RBMS1: variants seen among roughly 807,000 people sequenced by gnomAD.
RBMS1 encodes the protein RNA binding motif single stranded interacting protein 1.
In RBMS1, 17 loss-of-function variants were observed where a neutral mutation model predicts 62.3. The ratio of observed to expected loss-of-function variants is 0.27; its 90% CI spans 0.19 to 0.41. The LOEUF (loss-of-function observed/expected upper bound fraction) is 0.41. RBMS1 is among the 10% of genes least tolerant of loss of function. RBMS1 has a pLI of 1.00. For synonymous variants in RBMS1, 172 were observed against 170.0 expected, an observed-to-expected ratio of 1.01 and a Z score of -0.09; for missense variants, 334 against 504.5, an observed-to-expected ratio of 0.66 and a Z score of 3.24.
At chr2:160,435,842 A>C (rs901833447) in intron 1 of RBMS1, among the ~76,000 whole-genome samples, 1 of 152,244 alleles carries the variant, frequency 6.6e-6, no homozygotes, top group Non-Finnish European at 1.5e-5. Flanking sequence ...TAGTATCCTA[A>C]TGACTTAGAG....
At chr2:160,426,298 G>GA (rs1559537529) in intron 1 of RBMS1, among the ~76,000 whole-genome samples, 465 of 22,184 alleles carry the variant, frequency 0.021, no homozygotes, top group East Asian at 0.043. Context: ...AGAAAAGAAA[G>GA]AAGGAAGGAA....
chr2:160,339,007 A>G (rs567983894), intron 2 of RBMS1, among the ~76,000 whole-genome samples: 1 of 152,354 alleles, frequency 6.6e-6, no homozygotes, highest in East Asian at 1.9e-4. Context: ...AGGAAGCAAA[A>G]GCAAGTTGTC....
chr2:160,394,094 G>C (rs1309749643), intron 1 of RBMS1, among the ~76,000 whole-genome samples: 2 of 152,328 alleles, frequency 1.3e-5, no homozygotes, highest in South Asian at 2.1e-4. Context: ...TGGTGAGGGA[G>C]ACCGACAGAC....
intron 2 of RBMS1, among the ~76,000 whole-genome samples, chr2:160,319,391 A>C (rs938403059): frequency 6.6e-6 from 1 of 152,168 alleles, no homozygotes; most frequent in Non-Finnish European, 1.5e-5. Context: ...GCATGCCTGT[A>C]GTACCAGCTA....
rs549136540 is a variant in RBMS1, at chr2:160,464,653, TAA to T, written c.75+28634_75+28635del. Among the ~76,000 whole-genome samples, 282 of 152,358 alleles carry T rather than the reference TAA, an allele frequency of 1.9e-3. 1 individual carries two copies. The highest frequency in any genetic ancestry group is 6.6e-3 in the South Asian group (32 of 4,828). On this transcript the variant is annotated intron_variant, in intron 1 of 13. Transcript: ENST00000348849. ...TTGTCCTCAGCAGCTTTTTGAATAT[TAA>T]GTTACTTTTTAAATATTGTGTAACT...
intron 2 of RBMS1, among the ~76,000 whole-genome samples, chr2:160,358,754 A>AT (rs747296529): frequency 1.6e-4 from 24 of 152,232 alleles, no homozygotes; most frequent in Non-Finnish European, 3.5e-4. Flanking sequence ...AGACTAAAAC[A>AT]TTTTTTACCA....
Position 160,303,443 on chromosome 2 carries a change from T to G in RBMS1, c.447A>C (p.Pro149=). 1 of 1,613,096 alleles carries G rather than the reference T, an allele frequency of 6.2e-7. No homozygotes were observed. Among genetic ancestry groups the G allele is most frequent in the Non-Finnish European group, 8.5e-7 (1 of 1,179,540 alleles). Reference sequence around the variant, plus strand: ...CTAGTTCTTGCTCATCCATGGAGAGTGGCAAATTAGAAATGTAGAGGTTGG... The same window carrying G: ...CTAGTTCTTGCTCATCCATGGAGAGGGGCAAATTAGAAATGTAGAGGTTGG... ...DPTNLYISNL[P]LSMDEQELEN... Residue 149 remains proline, a synonymous_variant, in exon 5 of 14, where the codon CCA becomes CCC. Coordinates refer to ENST00000348849, the MANE Select transcript of RBMS1 (RefSeq NM_016836.4).
chr2:160,453,226 G>A (rs1684067754), intron 1 of RBMS1, among the ~76,000 whole-genome samples: 1 of 151,988 alleles, frequency 6.6e-6, no homozygotes, highest in Non-Finnish European at 1.5e-5. Context: ...AAAAAAATAT[G>A]TGCAAAACCC....
rs922396471 is a variant in RBMS1 at position 160,493,800 on chromosome 2, C to T, written c.-437G>A. On this transcript the variant is annotated 5_prime_UTR_variant, in exon 1 of 14. Transcript: ENST00000348849. ...AGCGGCGGCTGCGCTTGGTGCCAGGCGGCATCTGGGGTGGGTGCGCCCGAT... is the reference window on the plus strand; with the variant it reads ...AGCGGCGGCTGCGCTTGGTGCCAGGTGGCATCTGGGGTGGGTGCGCCCGAT... The T allele has an allele frequency of 1.3e-5, 2 of 149,066 alleles. No homozygotes were observed. Among genetic ancestry groups the T allele is most frequent in the East Asian group, 2.3e-4 (1 of 4,422 alleles). The allele number at this position is 149,066 out of a possible 1,614,324, so 9.2% of individuals were successfully genotyped here.
At chr2:160,297,064 G>A (rs1688973850) in intron 6 of RBMS1, among the ~76,000 whole-genome samples, 1 of 152,144 alleles carries the variant, frequency 6.6e-6, no homozygotes, top group Admixed American at 6.5e-5. Context: ...GCATGCTTGG[G>A]CAGAAGCTGG....
chr2:160,398,336 C>T (rs536630368), intron 1 of RBMS1, among the ~76,000 whole-genome samples: 5 of 152,208 alleles, frequency 3.3e-5, no homozygotes, highest in East Asian at 3.9e-4. Flanking sequence ...TTATGAATGA[C>T]GTATATTACC....
chr2:160,425,704 A>AG (rs1159879615), intron 1 of RBMS1, among the ~76,000 whole-genome samples: 2 of 152,208 alleles, frequency 1.3e-5, no homozygotes, highest in Non-Finnish European at 2.9e-5. Flanking sequence ...CAGAAGTTCA[A>AG]GGGGAAAAAT....
rs776261685 is a variant in RBMS1 at position 160,284,914 on chromosome 2, AT to A, written c.807-47del. 3.2e-6 allele frequency: 5 copies of A among 1,569,156 alleles called. No homozygotes were observed. The African/African-American group carries it at 6.8e-5, about 21-fold the overall frequency. ...TTTATTAAGTAATCCTTTAAATAGA[AT>A]AATTCATGGAACAAATGTCTGATAT... is the stretch of plus-strand genomic sequence containing the variant. On this transcript the variant is annotated intron_variant, in intron 8 of 13. Transcript: ENST00000348849.
chr2:160,405,916 G>C (rs1026872023), intron 1 of RBMS1, among the ~76,000 whole-genome samples: 1 of 152,178 alleles, frequency 6.6e-6, no homozygotes, highest in African/African-American at 2.4e-5. Context: ...GTGGGTGGGG[G>C]AGGAGGGGTT....
Position 160,278,366 on chromosome 2 carries a change from C to G in RBMS1, c.1062+182G>C, listed in dbSNP as rs922922302. On this transcript the variant is annotated intron_variant, in intron 11 of 13. Coordinates refer to ENST00000348849, the MANE Select transcript of RBMS1 (RefSeq NM_016836.4). Reference sequence around the variant, plus strand: ...GAGAGATACCCAGAGAATAGACTTTCAGTTCATCAATTAATTAAGAAATAG... The same window carrying G: ...GAGAGATACCCAGAGAATAGACTTTGAGTTCATCAATTAATTAAGAAATAG... 5.4e-5 allele frequency: 34 copies of G among 625,434 alleles called. 1 individual carries two copies. The Admixed American group carries it at 8.0e-4, about 15-fold the overall frequency. The allele number at this position is 625,434 out of a possible 1,614,324, so 38.7% of individuals were successfully genotyped here.
intron 2 of RBMS1, among the ~76,000 whole-genome samples, chr2:160,319,811 G>A (rs1690453941): frequency 6.6e-6 from 1 of 152,088 alleles, no homozygotes. Context: ...AAAAAAAAAT[G>A]GCTTGAGCCA....
rs562746502 is a variant in RBMS1, at chr2:160,390,394, AG to A, written c.76-23004del. Among the ~76,000 whole-genome samples the A allele has an allele frequency of 2.3e-3, 350 of 152,348 alleles. 1 individual carries two copies. Among genetic ancestry groups the A allele is most frequent in the African/African-American group, 8.0e-3 (333 of 41,586 alleles). ...TTGGAGGAGAGGAAGGAAAGACTTC[AG>A]AAAGAAAGGAAGGGCTCAAGACTGA... On this transcript the variant is annotated intron_variant, in intron 1 of 13. Coordinates refer to ENST00000348849, the MANE Select transcript of RBMS1 (RefSeq NM_016836.4).
At chr2:160,348,927 ATTAATGTTTTATAG>A (rs1374043582) in intron 2 of RBMS1, among the ~76,000 whole-genome samples, 1 of 152,146 alleles carries the variant, frequency 6.6e-6, no homozygotes. Context: ...ACTTGAGTTT[ATTAATGTTTTATAG>A]AGGGATATTT....
At chr2:160,413,310 C>G (rs1158618882) in intron 1 of RBMS1, among the ~76,000 whole-genome samples, 3 of 151,702 alleles carry the variant, frequency 2.0e-5, no homozygotes, top group African/African-American at 7.3e-5. Context: ...TATAAGAGCT[C>G]ACAAAGCCTC....
Sources: allele counts gnomAD v4.1 joint callset (sites outside exome capture counted in the v4.1 genomes callset), GRCh38; gene constraint gnomAD v4.1.1; transcripts MANE v1.5; gene names NCBI Gene and HGNC (gene_info 2026-07-23, HGNC 2026-07-21).